C5: variants seen among roughly 807,000 people sequenced by gnomAD.
The protein encoded by C5 is complement C5.
In C5, 140 loss-of-function variants were observed where a neutral mutation model predicts 218.8. The observed-to-expected ratio is 0.64, with a 90% CI of 0.56 to 0.74. The LOEUF is 0.74. Ranked by LOEUF, C5 falls within the 30% of genes least tolerant of loss-of-function variation. C5 has a pLI of 0.00. For missense variants in C5, 1,700 were observed against 1,969.6 expected (o/e 0.86, Z 2.59); for synonymous variants, 614 against 682.3 (o/e 0.90, Z 1.56).
intron 12 of C5, 44 bp downstream of exon 12, chr9:121,019,932 T>C (rs2047348198): frequency 7.9e-7 from 1 of 1,266,196 alleles, no homozygotes; most frequent in Non-Finnish European, 1.2e-6. Context: ...AGGAAAATGT[T>C]CCAGGTGGGG....
In C5 at chr9:120,952,972, G is replaced by A. The variant is rs2046756619; in HGVS notation, c.4902-104C>T. The A allele has an allele frequency of 2.5e-6, 3 of 1,219,702 alleles. No homozygotes were observed. The South Asian group carries it at 3.7e-5, about 15-fold the overall frequency. The allele number at this position is 1,219,702 out of a possible 1,614,324, so 75.6% of individuals were successfully genotyped here. A position where few individuals can be genotyped will look rare whatever the true frequency, so the allele number is the denominator to read the frequency against. On this transcript the variant is annotated intron_variant, in intron 40 of 40. Coordinates refer to ENST00000223642, the MANE Select transcript of C5 (RefSeq NM_001735.3). ...GGAGTCTTGCTCAGTCGCCCATGCT[G>A]GAGTGCAGTGGCGTGATCTCAGCTC...
At chr9:120,997,468 A>G (rs1262826642) in intron 21 of C5, 79 bp downstream of exon 21, 7 of 1,050,518 alleles carry the variant, frequency 6.7e-6, no homozygotes, top group South Asian at 2.7e-5. Context: ...AATTTACACT[A>G]TTGTTTCTCT....
chr9:121,002,138 ATG>A (rs1554721882), intron 20 of C5, among the ~76,000 whole-genome samples: 3 of 148,172 alleles, frequency 2.0e-5, no homozygotes, highest in South Asian at 4.2e-4. Context: ...ATATATATAT[ATG>A]TATGTATATA....
chr9:120,977,716 G>A (rs2046963821), intron 28 of C5, among the ~76,000 whole-genome samples: 1 of 152,140 alleles, frequency 6.6e-6, no homozygotes, highest in Non-Finnish European at 1.5e-5. Flanking sequence ...CACTGCACCC[G>A]GCCTCAATCT....
At chr9:121,066,021 A>C in the C5 span, among the ~76,000 whole-genome samples, 2 of 152,310 alleles carry the variant, frequency 1.3e-5, no homozygotes, top group Admixed American at 6.5e-5. Flanking sequence ...AACAAAAAAA[A>C]ATGCAGCAAC....
At chr9:120,966,927 G>A (rs1206721536) in intron 33 of C5, among the ~76,000 whole-genome samples, 1 of 152,044 alleles carries the variant, frequency 6.6e-6, no homozygotes, top group Non-Finnish European at 1.5e-5. Context: ...ACTATGTGCT[G>A]TTCCTTGGGA....
chr9:121,074,215 G>T, the C5 span, among the ~76,000 whole-genome samples: 1 of 149,896 alleles, frequency 6.7e-6, no homozygotes, highest in African/African-American at 2.4e-5. Flanking sequence ...CGTCAATGGT[G>T]ATAACACTTT....
Position 120,963,636 on chromosome 9 carries a change from G to A in C5, c.4323C>T (p.Ala1441=), listed in dbSNP as rs773359384. The part of the protein sequence containing the change: ...GISANEEDLK[A]LVEGVDQLFT... ...ACACGATTTAAAAGAAAACACATAC[G>A]GCTTTTAAGTCTTCTTCATTTGCAC... Residue 1441 remains alanine, a splice_region_variant and synonymous_variant, in exon 34 of 41, where the codon GCC becomes GCT. Coordinates refer to ENST00000223642, the MANE Select transcript of C5 (RefSeq NM_001735.3). 57 of 1,600,360 alleles carry A rather than the reference G, an allele frequency of 3.6e-5. 1 individual carries two copies. The highest frequency in any genetic ancestry group is 1.7e-4 in the Middle Eastern group (1 of 6,038).
intron 20 of C5, among the ~76,000 whole-genome samples, chr9:121,001,889 A>G (rs1464685277): frequency 6.6e-6 from 1 of 152,072 alleles, no homozygotes; most frequent in Non-Finnish European, 1.5e-5. Flanking sequence ...AGAAATATAC[A>G]TGTAGGAAGA....
chr9:121,009,086 A>G (rs2047240693), intron 17 of C5, among the ~76,000 whole-genome samples: 1 of 152,222 alleles, frequency 6.6e-6, no homozygotes, highest in South Asian at 2.1e-4. Flanking sequence ...CGATCAGTCT[A>G]TAAAGTTATT....
At chr9:120,961,955 T>C (rs2046830870) in intron 36 of C5, among the ~76,000 whole-genome samples, 2 of 152,174 alleles carry the variant, frequency 1.3e-5, no homozygotes, top group Admixed American at 6.5e-5. Context: ...AGAGGGACTA[T>C]GTATGTTCTA....
chr9:121,005,909 A>C lies in C5; in HGVS notation c.2562+10T>G. 1 of 1,612,784 alleles carries C rather than the reference A, an allele frequency of 6.2e-7. No individual in the cohort carries two copies. The highest frequency in any genetic ancestry group is 8.5e-7 in the Non-Finnish European group (1 of 1,179,050). The stretch of plus-strand genomic sequence containing the variant: ...TTTCCTTTATCCCATAAATATTAAC[A>C]CCTACTTACCTGCATCCCAGAAGTC... On this transcript the variant is annotated intron_variant, in intron 20 of 40. Coordinates refer to ENST00000223642, the MANE Select transcript of C5 (RefSeq NM_001735.3).
chr9:121,041,155 G>A (rs982323926), intron 3 of C5, among the ~76,000 whole-genome samples: 1 of 151,688 alleles, frequency 6.6e-6, no homozygotes, highest in Admixed American at 6.6e-5. Context: ...TGTTGGTCAG[G>A]CTGGTCTCAA....
chr9:121,048,362 C>T (rs886990778), intron 1 of C5, among the ~76,000 whole-genome samples: 1 of 152,230 alleles, frequency 6.6e-6, no homozygotes, highest in Non-Finnish European at 1.5e-5. Flanking sequence ...TGAGCTCTGC[C>T]TCCTGTCAGA....
chr9:120,979,977 G>C (rs966803966), intron 28 of C5, 106 bp downstream of exon 28: 1 of 921,886 alleles, frequency 1.1e-6, no homozygotes, highest in African/African-American at 1.6e-5. Flanking sequence ...CTTGAGGACA[G>C]GAATTGCATC....
At chr9:121,012,890 G>T in intron 17 of C5, among the ~76,000 whole-genome samples, 1 of 152,090 alleles carries the variant, frequency 6.6e-6, no homozygotes, top group Admixed American at 6.6e-5. Context: ...CACAGGAAAG[G>T]TACAGAAAAA....
chr9:120,983,358 G>A (rs941107866), intron 25 of C5, among the ~76,000 whole-genome samples: 11 of 152,006 alleles, frequency 7.2e-5, no homozygotes, highest in African/African-American at 2.7e-4. Flanking sequence ...GCAATTTCAA[G>A]TCTCTACTAA....
At chr9:121,066,480 A>C in the C5 span, among the ~76,000 whole-genome samples, 6 of 152,028 alleles carry the variant, frequency 3.9e-5, no homozygotes, top group Non-Finnish European at 8.8e-5. Context: ...GAGCAAAGAG[A>C]AATATTTAAT....
chr9:121,067,249 T>C, the C5 span, among the ~76,000 whole-genome samples: 1,984 of 151,330 alleles, frequency 0.013, 32 homozygotes, highest in African/African-American at 0.045. Context: ...GCCTGGGTGA[T>C]AGAGTAAAAC....
Sources: gnomAD v4.1 joint callset for allele counts (sites outside exome capture counted in the v4.1 genomes callset) on GRCh38, gnomAD v4.1.1 for gene constraint, MANE v1.5 for transcripts, NCBI Gene and HGNC (gene_info 2026-07-23, HGNC 2026-07-21) for gene names.